Variants in MAP3K7CL observed in about 807,000 individuals in gnomAD.
MAP3K7CL encodes MAP3K7 C-terminal like, also known as MAP3K7 C-terminal-like protein.
Under a neutral mutation model 18.6 loss-of-function variants are expected in MAP3K7CL, and 16 were observed. The ratio of observed to expected loss-of-function variants is 0.86; its 90% confidence interval spans 0.58 to 1.31. The LOEUF (loss-of-function observed/expected upper bound fraction) is 1.31. Among genes scored for constraint, MAP3K7CL ranks in the 50% most tolerant of loss-of-function variants. MAP3K7CL has a pLI of 0.00. For missense variants in MAP3K7CL, 163 were observed against 174.4 expected (o/e 0.93, Z 0.37); for synonymous variants, 65 against 66.8 (o/e 0.97, Z 0.13).
At chr21:29,112,797 C>G (rs1263335777) in intron 4 of MAP3K7CL, among the ~76,000 whole-genome samples, 1 of 152,186 alleles carries the variant, frequency 6.6e-6, no homozygotes, top group African/African-American at 2.4e-5. Flanking sequence ...CCTTTCCTCC[C>G]AGCAAACGAG....
At chr21:29,122,383 A>G (rs1453666327) in intron 4 of MAP3K7CL, among the ~76,000 whole-genome samples, 3 of 152,192 alleles carry the variant, frequency 2.0e-5, no homozygotes, top group Non-Finnish European at 1.5e-5. Flanking sequence ...TTAAGTGTTT[A>G]ACAGCTCAAT....
intron 4 of MAP3K7CL, among the ~76,000 whole-genome samples, chr21:29,106,037 C>T (rs189026731): frequency 1.1e-4 from 17 of 152,252 alleles, no homozygotes; most frequent in Admixed American, 9.2e-4. Flanking sequence ...CATCTGTAGG[C>T]TCACACTAAT....
At chr21:29,081,793 G>A (rs1457119519), upstream of MAP3K7CL, among the ~76,000 whole-genome samples, 2 of 152,168 alleles carry the variant, frequency 1.3e-5, no homozygotes, top group Admixed American at 1.3e-4. Context: ...CAGGCTTTTG[G>A]CAAGTTTCTT....
intron 4 of MAP3K7CL, chr21:29,109,412 G>C (rs2086381246): frequency 1.5e-6 from 2 of 1,318,548 alleles, no homozygotes; most frequent in Non-Finnish European, 1.9e-6. Context: ...TGCTCAGCCA[G>C]GAGGTGTTAA....
At chr21:29,123,192 A>G (rs2086627090) in intron 4 of MAP3K7CL, among the ~76,000 whole-genome samples, 1 of 151,424 alleles carries the variant, frequency 6.6e-6, no homozygotes, top group Non-Finnish European at 1.5e-5. Flanking sequence ...CCTCTGAAGC[A>G]GCTGGGATTA....
intron 1 of MAP3K7CL, among the ~76,000 whole-genome samples, chr21:29,087,664 G>A (rs545175587): frequency 5.9e-5 from 8 of 135,456 alleles, no homozygotes; most frequent in African/African-American, 2.2e-4. Flanking sequence ...CGCGATCTCC[G>A]CTCACTGCAA....
chr21:29,104,652 C>T (rs991279860), intron 4 of MAP3K7CL, among the ~76,000 whole-genome samples: 1 of 152,202 alleles, frequency 6.6e-6, no homozygotes, highest in Non-Finnish European at 1.5e-5. Context: ...TGGAATCACA[C>T]ACAGGAAAGG....
Position 29,149,227 on chromosome 21 carries a change from C to A in MAP3K7CL, c.109C>A (p.Pro37Thr). The A allele has an allele frequency of 6.2e-7, 1 of 1,613,872 alleles. No individual in the cohort carries two copies. The highest frequency in any genetic ancestry group is 8.5e-7 in the Non-Finnish European group (1 of 1,179,738). The part of the protein sequence containing the change: ...PPEDSIPLVF[P>T]ELDQQLQPLP... ...TGAAGACTCCATTCCTTTGGTCTTTCCAGAATTAGACCAGCAGCTACAGGT... is the reference window on the plus strand; with the variant it reads ...TGAAGACTCCATTCCTTTGGTCTTTACAGAATTAGACCAGCAGCTACAGGT... Residue 37 changes from proline to threonine, a missense_variant, in exon 3 of 5, where the codon CCA (proline) becomes ACA (threonine). By Grantham distance (38) the Pro-to-Thr change is conservative (BLOSUM62 -1). Coordinates refer to ENST00000399928, the MANE Select transcript of MAP3K7CL (RefSeq NM_001286620.2).
chr21:29,098,893 T>G (rs1287365493), intron 4 of MAP3K7CL, among the ~76,000 whole-genome samples: 1 of 152,224 alleles, frequency 6.6e-6, no homozygotes, highest in African/African-American at 2.4e-5. Flanking sequence ...TCCTCAGTTA[T>G]GAGTATAGCA....
intron 4 of MAP3K7CL, among the ~76,000 whole-genome samples, chr21:29,170,622 T>C (rs2087801737): frequency 1.6e-5 from 1 of 64,352 alleles, no homozygotes; most frequent in South Asian, 5.5e-4. Context: ...TTAAAGCATG[T>C]CTCTCTCTCT....
intron 1 of MAP3K7CL, among the ~76,000 whole-genome samples, chr21:29,088,522 T>C (rs2085965601): frequency 6.6e-6 from 1 of 152,216 alleles, no homozygotes; most frequent in Non-Finnish European, 1.5e-5. Flanking sequence ...TTAACCACGC[T>C]AGTTTTGTTT....
At chr21:29,136,443 G>A (rs1405030692) in intron 2 of MAP3K7CL, among the ~76,000 whole-genome samples, 1 of 152,140 alleles carries the variant, frequency 6.6e-6, no homozygotes, top group African/African-American at 2.4e-5. Context: ...TGGATTTATT[G>A]TTGATGAATA....
intron 4 of MAP3K7CL, among the ~76,000 whole-genome samples, chr21:29,095,654 C>G (rs1022905365): frequency 2.6e-5 from 4 of 152,198 alleles, no homozygotes; most frequent in Non-Finnish European, 5.9e-5. Context: ...ACAAAAACAT[C>G]TGCTGTGACC....
chr21:29,122,886 T>C (rs1158157611), intron 4 of MAP3K7CL, among the ~76,000 whole-genome samples: 1 of 152,208 alleles, frequency 6.6e-6, no homozygotes, highest in East Asian at 1.9e-4. Flanking sequence ...TCTGTATCAA[T>C]TGTATTTTAA....
At chr21:29,120,434 TC>T in intron 4 of MAP3K7CL, among the ~76,000 whole-genome samples, 1 of 152,312 alleles carries the variant, frequency 6.6e-6, no homozygotes, top group East Asian at 1.9e-4. Flanking sequence ...ACTTTGTAAG[TC>T]TCAGTTAGTT....
chr21:29,085,031 G>A (rs1483138182), upstream of MAP3K7CL: 1 of 152,206 alleles, frequency 6.6e-6, no homozygotes, highest in Non-Finnish European at 1.5e-5. Context: ...AGTCAGCAAG[G>A]AAAATGCCTG....
intron 4 of MAP3K7CL, among the ~76,000 whole-genome samples, chr21:29,120,854 C>T (rs1287733391): frequency 6.6e-6 from 1 of 151,650 alleles, no homozygotes; most frequent in African/African-American, 2.4e-5. Context: ...TTGCTTTAGC[C>T]CAGGAGTTCG....
chr21:29,139,155 C>T (rs1204951567), intron 2 of MAP3K7CL: 2 of 152,138 alleles, frequency 1.3e-5, no homozygotes, highest in South Asian at 4.1e-4. Flanking sequence ...GGAGTAGTTG[C>T]AATAGCTACC....
upstream of MAP3K7CL, chr21:29,085,701 G>T: frequency 1.6e-6 from 1 of 615,180 alleles, no homozygotes; most frequent in Non-Finnish European, 2.9e-6. Flanking sequence ...GTATGTGAAT[G>T]AAATGTTACT....
Sources: allele counts gnomAD v4.1 joint callset (sites outside exome capture counted in the v4.1 genomes callset), GRCh38; gene constraint gnomAD v4.1.1; transcripts MANE v1.5; gene names NCBI Gene and HGNC (gene_info 2026-07-23, HGNC 2026-07-21).